The following FOXO3B variants were observed in gnomAD, a reference collection of about 807,000 sequenced individuals.
FOXO3B encodes the protein forkhead box O3B, also known as forkhead box protein O3B.
In FOXO3B, 15 loss-of-function variants were observed where a neutral mutation model predicts 21.9. That is an observed-to-expected ratio of 0.68 (90% CI 0.46 to 1.05). The LOEUF (loss-of-function observed/expected upper bound fraction) is 1.05, where lower values mean the gene tolerates loss of function less well. Among genes scored for constraint, FOXO3B ranks in the 50% least tolerant of loss-of-function variants. FOXO3B has a pLI of 0.00. For missense variants in FOXO3B, 293 were observed against 435.5 expected, an observed-to-expected ratio of 0.67 and a Z score of 2.91; for synonymous variants, 135 against 213.6, an observed-to-expected ratio of 0.63 and a Z score of 3.21.
rs2032308272 is a variant in FOXO3B, at chr17:18,668,563, C to G, written c.*3746G>C. 6.6e-6 allele frequency: 1 copy of G among 152,576 alleles called. No individual in the cohort carries two copies. The highest frequency in any genetic ancestry group is 6.5e-5 in the Admixed American group (1 of 15,286). The allele number at this position is 152,576 out of a possible 1,614,324, so 9.5% of individuals were successfully genotyped here. A position where few individuals can be genotyped will look rare whatever the true frequency, so the allele number is the denominator to read the frequency against. ...GTTGCCTTTCTCACTCCCAAAGCAG[C>G]TCCCTGGGTCTGTAAAACTGCAAAG... On this transcript the variant is annotated 3_prime_UTR_variant, in exon 4 of 4. Transcript: ENST00000395675.
rs1011086990 is a variant in FOXO3B, at chr17:18,669,950, T to C, written c.*2359A>G. On this transcript the variant is annotated 3_prime_UTR_variant, in exon 4 of 4. Transcript: ENST00000395675. Reference sequence around the variant, plus strand: ...GGACTTTTTTTTTTTTTCCTTTTCTTTCTCCTTAAAACTAAACCCTTTTTG... The same window carrying C: ...GGACTTTTTTTTTTTTTCCTTTTCTCTCTCCTTAAAACTAAACCCTTTTTG... 2.9e-5 allele frequency among the ~76,000 whole-genome samples: 4 copies of C among 138,282 alleles called. No homozygotes were observed. Among genetic ancestry groups the C allele is most frequent in the Non-Finnish European group, 6.2e-5 (4 of 64,070 alleles). The allele number at this position is 138,282 out of a possible 152,430, so 90.7% of individuals were successfully genotyped here. A position where few individuals can be genotyped will look rare whatever the true frequency, so the allele number is the denominator to read the frequency against.
Position 18,677,694 on chromosome 17 carries a change from G to A in FOXO3B, c.126+3047C>T. The stretch of plus-strand genomic sequence containing the variant: ...TCCCATGGCCAAGAAGCATGCTGGC[G>A]AGCGCGATAAGAAGCTGGCGGCCAA... On this transcript the variant is annotated intron_variant, in intron 3 of 3. Coordinates refer to ENST00000395675, the MANE Select transcript of FOXO3B (RefSeq NM_001368135.1). The A allele has an allele frequency of 1.3e-5, 21 of 1,602,784 alleles. 1 individual carries two copies. The highest frequency in any genetic ancestry group is 2.2e-5 in the East Asian group (1 of 44,860).
chr17:18,678,303 A>T (rs2032529220), intron 3 of FOXO3B, among the ~76,000 whole-genome samples: 2 of 152,360 alleles, frequency 1.3e-5, no homozygotes, highest in South Asian at 4.1e-4. Context: ...AGGCCATCAA[A>T]ACAAAATATT....
chr17:18,676,810 C>T (rs1001326773), intron 3 of FOXO3B, among the ~76,000 whole-genome samples: 1 of 151,940 alleles, frequency 6.6e-6, no homozygotes, highest in African/African-American at 2.4e-5. Flanking sequence ...AAGCAATTCT[C>T]CTGCCTCAGC....
rs557424294 is a variant in FOXO3B, at chr17:18,670,940, A to C, written c.*1369T>G. On this transcript the variant is annotated 3_prime_UTR_variant, in exon 4 of 4. Coordinates refer to ENST00000395675, the MANE Select transcript of FOXO3B (RefSeq NM_001368135.1). ...CCCAGCTCTGAGATGAGGCCTGCTTAGCACCAGTGAAGTTCCCCACGTTCA... is the reference window on the plus strand; with the variant it reads ...CCCAGCTCTGAGATGAGGCCTGCTTCGCACCAGTGAAGTTCCCCACGTTCA... 93 of 1,469,060 alleles carry C rather than the reference A, an allele frequency of 6.3e-5. No homozygotes were observed. The highest frequency in any genetic ancestry group is 7.9e-5 in the Non-Finnish European group (86 of 1,089,268). 91.0% of individuals were successfully genotyped at this position (1,469,060 alleles called of 1,614,324 possible).
chr17:18,668,150 C>G lies in FOXO3B; in HGVS notation c.*4159G>C, dbSNP rs111389076. Reference sequence around the variant, plus strand: ...TGAGGGTGAGGGTGCCGGGACCCTACACAGGCTTCACTACCAGATTCTCAG... The same window carrying G: ...TGAGGGTGAGGGTGCCGGGACCCTAGACAGGCTTCACTACCAGATTCTCAG... On this transcript the variant is annotated 3_prime_UTR_variant, in exon 4 of 4. Transcript: ENST00000395675. The G allele has an allele frequency of 0.088, 13,408 of 152,300 alleles. 1,919 individuals carry two copies. The highest frequency in any genetic ancestry group is 0.3 in the African/African-American group (12,451 of 41,344). 9.4% of individuals were successfully genotyped at this position (152,300 alleles called of 1,614,324 possible). A position where few individuals can be genotyped will look rare whatever the true frequency, so the allele number is the denominator to read the frequency against.
At chr17:18,674,930 A>G (rs1353424659) in intron 3 of FOXO3B, among the ~76,000 whole-genome samples, 2 of 152,212 alleles carry the variant, frequency 1.3e-5, no homozygotes, top group East Asian at 3.8e-4. Context: ...ATTGAGCTAG[A>G]GCTACTCCTT....
chr17:18,675,907 T>TAA (rs199630556), intron 3 of FOXO3B, among the ~76,000 whole-genome samples: 1 of 151,936 alleles, frequency 6.6e-6, no homozygotes. Flanking sequence ...AAGCAATATT[T>TAA]AAAAAAAAAT....
chr17:18,679,903 G>A (rs1160447219), intron 3 of FOXO3B, among the ~76,000 whole-genome samples: 1 of 150,826 alleles, frequency 6.6e-6, no homozygotes, highest in Non-Finnish European at 1.5e-5. Flanking sequence ...GCAGTGGTGC[G>A]ATCTCGGCTT....
intron 3 of FOXO3B, among the ~76,000 whole-genome samples, chr17:18,676,711 T>C (rs1308979575): frequency 6.6e-6 from 1 of 151,942 alleles, no homozygotes; most frequent in Admixed American, 6.5e-5. Context: ...TTTTTGTTTT[T>C]TTTTTTTGAG....
chr17:18,677,732 C>G, intron 3 of FOXO3B: 1 of 1,584,944 alleles, frequency 6.3e-7, no homozygotes, highest in Non-Finnish European at 8.6e-7. Flanking sequence ...AAAAGACGGA[C>G]AAGAAGCGGG....
In FOXO3B at chr17:18,680,871, G is replaced by A. The variant is rs371455811; in HGVS notation, c.38-42C>T. 3.2e-5 allele frequency: 49 copies of A among 1,535,486 alleles called. 3 individuals are homozygous for A. In the African/African-American group the frequency reaches 5.2e-4, roughly 16 times the overall value. On this transcript the variant is annotated intron_variant, in intron 2 of 3. Coordinates refer to ENST00000395675, the MANE Select transcript of FOXO3B (RefSeq NM_001368135.1). ...AGTAATGATGAGACCTAGGCTTAAT[G>A]TGCCACTCAGATTTAAAGTCTAAAA...
intron 1 of FOXO3B, 69 bp from the exon 2 acceptor site, chr17:18,681,915 C>A: frequency 1.6e-6 from 1 of 636,458 alleles, no homozygotes; most frequent in Non-Finnish European, 2.8e-6. Flanking sequence ...TTGAAGCTGT[C>A]CCTGGGGGAA....
In FOXO3B at chr17:18,671,415, T is replaced by C; in HGVS notation, c.*894A>G. 26 of 1,599,144 alleles carry C rather than the reference T, an allele frequency of 1.6e-5. No homozygotes were observed. The highest frequency in any genetic ancestry group is 2.2e-5 in the Non-Finnish European group (26 of 1,167,492). ...GCGAAGCATCACGTTCCGGCGGGAA[T>C]TCTGGGCAGACACAGCGGTGCTGGC... is the stretch of plus-strand genomic sequence containing the variant. On this transcript the variant is annotated 3_prime_UTR_variant, in exon 4 of 4. Transcript: ENST00000395675.
intron 3 of FOXO3B, 42 bp from the exon 4 acceptor site, chr17:18,673,097 C>T (rs2032411867): frequency 1.4e-6 from 2 of 1,454,860 alleles, no homozygotes. Context: ...GTTGGTTATC[C>T]CCGGCCGGAG....
At chr17:18,677,308 C>A in intron 3 of FOXO3B, 1 of 1,613,758 alleles carries the variant, frequency 6.2e-7, no homozygotes, top group Non-Finnish European at 8.5e-7. Flanking sequence ...TTCCCTGCCT[C>A]CCCACCCAAG....
intron 3 of FOXO3B, among the ~76,000 whole-genome samples, chr17:18,676,607 CACAT>C (rs1388706000): frequency 1.3e-5 from 2 of 152,128 alleles, no homozygotes; most frequent in Non-Finnish European, 2.9e-5. Flanking sequence ...TGTATACACA[CACAT>C]ACACAAACAC....
intron 3 of FOXO3B, among the ~76,000 whole-genome samples, chr17:18,680,230 C>T (rs1483154353): frequency 2.6e-5 from 4 of 152,228 alleles, no homozygotes; most frequent in East Asian, 3.8e-4. Flanking sequence ...CCTTAGCTTT[C>T]GTCATCTCAG....
chr17:18,677,571 C>T lies in FOXO3B; in HGVS notation c.126+3170G>A, dbSNP rs535298981. ...AGAGATCCACGGGGGCGCCGGCGGG[C>T]CCAGCGGCAGGGCCAAAGCCGGGCG... is the stretch of plus-strand genomic sequence containing the variant. On this transcript the variant is annotated intron_variant, in intron 3 of 3. Transcript: ENST00000395675. 1,310 of 1,603,122 alleles carry T rather than the reference C, an allele frequency of 8.2e-4. 26 individuals carry two copies. The African/African-American group carries it at 0.016, about 19-fold the overall frequency.
Sources: gnomAD v4.1 joint callset for allele counts (sites outside exome capture counted in the v4.1 genomes callset) on GRCh38, gnomAD v4.1.1 for gene constraint, MANE v1.5 for transcripts, NCBI Gene and HGNC (gene_info 2026-07-23, HGNC 2026-07-21) for gene names.